CCDC146: variants seen among roughly 807,000 people sequenced by gnomAD.
CCDC146 encodes the protein coiled-coil domain-containing protein 146.
Under a neutral mutation model 119.3 loss-of-function variants are expected in CCDC146, and 92 were observed. That is an observed-to-expected ratio of 0.77 (90% CI 0.65 to 0.92). The LOEUF is 0.92. Among genes scored for constraint, CCDC146 ranks in the 40% least tolerant of loss-of-function variants. The probability of loss-of-function intolerance (pLI) is 0.00; values close to 1 mark genes in which losing one functional copy is unlikely to be tolerated. For synonymous variants in CCDC146, 372 were observed against 371.8 expected, an observed-to-expected ratio of 1.00 and a Z score of -0.01; for missense variants, 1,000 against 1,103.0, an observed-to-expected ratio of 0.91 and a Z score of 1.32.
intron 17 of CCDC146, among the ~76,000 whole-genome samples, chr7:77,292,510 G>T (rs140051028): frequency 0.17 from 24,706 of 149,116 alleles, 2,234 homozygotes; most frequent in Admixed American, 0.21. Context: ...CCAGCTACTC[G>T]GGAGGCTGAG....
chr7:77,287,061 G>T, intron 16 of CCDC146, 135 bp downstream of exon 16: 1 of 965,522 alleles, frequency 1.0e-6, no homozygotes, highest in East Asian at 2.6e-5. Flanking sequence ...TCCTTTTGTT[G>T]TAATCTAGTC....
intron 2 of CCDC146, among the ~76,000 whole-genome samples, chr7:77,182,431 A>G (rs1300561653): frequency 1.3e-5 from 2 of 152,162 alleles, no homozygotes; most frequent in Non-Finnish European, 2.9e-5. Context: ...ACCATCTTAT[A>G]AAATTGCTTT....
Position 77,294,900 on chromosome 7 carries a change from G to A in CCDC146, c.*34G>A. ...ACAAATCCAGGCCTCTCAAGGAAAA[G>A]ACTTCAACCAGGCTTCCTTGTACCC... is the stretch of plus-strand genomic sequence containing the variant. On this transcript the variant is annotated 3_prime_UTR_variant, in exon 19 of 19. Coordinates refer to ENST00000285871, the MANE Select transcript of CCDC146 (RefSeq NM_020879.3). The A allele has an allele frequency of 6.4e-7, 1 of 1,567,318 alleles. No homozygotes were observed. The highest frequency in any genetic ancestry group is 8.7e-7 in the Non-Finnish European group (1 of 1,144,250).
chr7:77,177,112 AGGTGTAAACCCCTGCACC>A (rs149902616), intron 2 of CCDC146, among the ~76,000 whole-genome samples: 6,178 of 152,266 alleles, frequency 0.041, 185 homozygotes, highest in South Asian at 0.081. Context: ...CTGGGATTAC[AGGTGTAAACCCCTGCACC>A]TGGCCTAAAA....
chr7:77,201,353 C>A (rs1191025891), intron 2 of CCDC146, among the ~76,000 whole-genome samples: 2 of 150,690 alleles, frequency 1.3e-5, no homozygotes, highest in Non-Finnish European at 2.9e-5. Context: ...ACCAACCTGG[C>A]CAACATGGTG....
chr7:77,241,575 C>G, intron 3 of CCDC146, 116 bp from the exon 4 acceptor site: 1 of 828,002 alleles, frequency 1.2e-6, no homozygotes, highest in Non-Finnish European at 2.0e-6. Flanking sequence ...ACAAAAATGT[C>G]CCAGAGTTGA....
chr7:77,270,028 G>T (rs1793480559), intron 9 of CCDC146, among the ~76,000 whole-genome samples: 1 of 152,196 alleles, frequency 6.6e-6, no homozygotes, highest in African/African-American at 2.4e-5. Context: ...AGAGACAGTT[G>T]TTTGATTCTC....
intron 2 of CCDC146, among the ~76,000 whole-genome samples, chr7:77,228,886 A>G (rs896788319): frequency 6.6e-6 from 1 of 152,206 alleles, no homozygotes; most frequent in Non-Finnish European, 1.5e-5. Flanking sequence ...GTGCAGGTTT[A>G]TTACATAGGT....
Position 77,196,981 on chromosome 7 carries a change from TTGAAC to T in CCDC146, c.156+29162_156+29166del, listed in dbSNP as rs1791885344. The T allele has an allele frequency of 8.2e-6, 13 of 1,582,004 alleles. 1 individual carries two copies. In the Middle Eastern group the frequency reaches 2.0e-3, roughly 245 times the overall value. On this transcript the variant is annotated intron_variant, in intron 2 of 18. Coordinates refer to ENST00000285871, the MANE Select transcript of CCDC146 (RefSeq NM_020879.3). This position sits in a 1 kb window ranked among gnomAD's most constrained non-coding sequence, Gnocchi z 4.2. ...CAGAGCAATCTTTATATATTAGATGTTGAACTGAAGGGGAAATAAAAGGAAGGCAT... is the reference window on the plus strand; with the variant it reads ...CAGAGCAATCTTTATATATTAGATGTTGAAGGGGAAATAAAAGGAAGGCAT...
At chr7:77,131,750 A>T (rs1050593263) in intron 1 of CCDC146, among the ~76,000 whole-genome samples, 6 of 152,170 alleles carry the variant, frequency 3.9e-5, no homozygotes, top group Non-Finnish European at 7.3e-5. Flanking sequence ...AAAAACAAAA[A>T]ACTCAAGAAC....
intron 14 of CCDC146, among the ~76,000 whole-genome samples, chr7:77,282,056 T>A (rs1031783300): frequency 1.3e-5 from 2 of 152,176 alleles, no homozygotes; most frequent in Non-Finnish European, 2.9e-5. Flanking sequence ...GGATAGATTT[T>A]TGCCTGTTTA....
intron 2 of CCDC146, among the ~76,000 whole-genome samples, chr7:77,190,416 G>A (rs938622184): frequency 3.9e-5 from 6 of 152,204 alleles, no homozygotes; most frequent in Middle Eastern, 3.2e-3. Context: ...GTTGTGCAAA[G>A]CCTTCTCTTT....
At chr7:77,203,289 G>C (rs1792027799) in intron 2 of CCDC146, among the ~76,000 whole-genome samples, 1 of 152,070 alleles carries the variant, frequency 6.6e-6, no homozygotes, top group Non-Finnish European at 1.5e-5. Context: ...TTAAATGATA[G>C]CATGCTAATG....
intron 1 of CCDC146, among the ~76,000 whole-genome samples, chr7:77,145,381 T>A (rs963247274): frequency 5.3e-5 from 8 of 151,716 alleles, no homozygotes; most frequent in African/African-American, 1.9e-4. Flanking sequence ...CCTGGATTCA[T>A]TGATTTTTTG....
intron 1 of CCDC146, among the ~76,000 whole-genome samples, chr7:77,132,553 CAA>C (rs58502705): frequency 2.8e-5 from 3 of 107,166 alleles, no homozygotes; most frequent in African/African-American, 3.8e-5. Flanking sequence ...TCGATCTCTA[CAA>C]AAAAAAAAAA....
intron 4 of CCDC146, chr7:77,242,199 G>A (rs1034972243): frequency 1.2e-5 from 4 of 340,526 alleles, no homozygotes; most frequent in Non-Finnish European, 2.1e-5. Context: ...GCATTCCCTT[G>A]CCCTTCCCCT....
intron 1 of CCDC146, among the ~76,000 whole-genome samples, chr7:77,130,641 C>A (rs1400948969): frequency 6.8e-6 from 1 of 147,154 alleles, no homozygotes; most frequent in Admixed American, 6.7e-5. Context: ...CTCTGTCGCC[C>A]AGGCTGGAGT....
intron 1 of CCDC146, among the ~76,000 whole-genome samples, chr7:77,127,305 C>T (rs1439903637): frequency 6.6e-6 from 1 of 152,114 alleles, no homozygotes; most frequent in Non-Finnish European, 1.5e-5. Context: ...AGCCCCACTT[C>T]AAGAGCGCAG....
At position 77,196,148 on chromosome 7, in the gene CCDC146, T is replaced by G; in HGVS notation, c.156+28324T>G. The G allele has an allele frequency of 1.5e-6, 1 of 656,950 alleles. No individual in the cohort carries two copies. The allele number at this position is 656,950 out of a possible 1,614,324, so 40.7% of individuals were successfully genotyped here. A position where few individuals can be genotyped will look rare whatever the true frequency, so the allele number is the denominator to read the frequency against. On this transcript the variant is annotated intron_variant, in intron 2 of 18. Transcript: ENST00000285871. This position sits in a 1 kb window ranked among gnomAD's most constrained non-coding sequence, Gnocchi z 4.2. Reference sequence around the variant, plus strand: ...TTTCAGCTTTATTTCAAATGCTGTGTAGCATAAGAACCTAGCCGTCAGACA... The same window carrying G: ...TTTCAGCTTTATTTCAAATGCTGTGGAGCATAAGAACCTAGCCGTCAGACA...
Sources: gnomAD v4.1 joint callset for allele counts (sites outside exome capture counted in the v4.1 genomes callset) on GRCh38, gnomAD v4.1.1 for gene constraint, Gnocchi (gnomAD v3.1) non-coding constraint, MANE v1.5 for transcripts, NCBI Gene and HGNC (gene_info 2026-07-23, HGNC 2026-07-21) for gene names.